SBF2: variants seen among roughly 807,000 people sequenced by gnomAD.
SBF2 encodes myotubularin-related protein 13.
SBF2 carries 112 observed loss-of-function variants against 225.2 expected under a neutral mutation model. That is an observed-to-expected ratio of 0.50 (90% CI 0.43 to 0.58). SBF2 has a LOEUF of 0.58. Ranked by LOEUF, SBF2 falls within the 20% of genes least tolerant of loss-of-function variation. SBF2 has a pLI of 0.00. For synonymous variants in SBF2, 763 were observed against 773.3 expected (o/e 0.99, Z 0.22); for missense variants, 1,996 against 2,206.2 (o/e 0.90, Z 1.91).
At chr11:9,932,121 C>T (rs895783199) in intron 16 of SBF2, among the ~76,000 whole-genome samples, 3 of 152,170 alleles carry the variant, frequency 2.0e-5, no homozygotes, top group South Asian at 4.2e-4. Context: ...CCAAGAAATA[C>T]GGGACTAGGT....
intron 16 of SBF2, among the ~76,000 whole-genome samples, chr11:9,916,086 C>A (rs946819633): frequency 6.6e-6 from 1 of 151,972 alleles, no homozygotes; most frequent in Non-Finnish European, 1.5e-5. Context: ...AACAAAAAAA[C>A]CAAATAGTAA....
intron 1 of SBF2, among the ~76,000 whole-genome samples, chr11:10,278,149 T>C (rs994130819): frequency 2.6e-5 from 4 of 152,244 alleles, no homozygotes; most frequent in African/African-American, 9.6e-5. Context: ...TGAAATTCAT[T>C]TAAACTTAAG....
chr11:10,216,094 T>C (rs1958120538), intron 1 of SBF2, among the ~76,000 whole-genome samples: 1 of 152,218 alleles, frequency 6.6e-6, no homozygotes, highest in Non-Finnish European at 1.5e-5. Flanking sequence ...TCCTGACACC[T>C]TGTTCCCCTA....
intron 13 of SBF2, 127 bp downstream of exon 13, chr11:9,989,370 A>G: frequency 3.2e-6 from 2 of 628,938 alleles, no homozygotes; most frequent in Non-Finnish European, 5.5e-6. Flanking sequence ...TGAGTGCACC[A>G]AAATCTCACA....
rs186135492 is a variant in SBF2, at chr11:10,288,252, G to A, written c.55+5763C>T. ...GCTCTTTTACCCTCACCATTCAAGG[G>A]TCCCAAGTTCTTGTTCTGTGACCAG... On this transcript the variant is annotated intron_variant, in intron 1 of 39. Transcript: ENST00000256190. 3.1e-4 allele frequency among the ~76,000 whole-genome samples: 47 copies of A among 152,254 alleles called. 1 individual carries two copies. The East Asian group carries it at 9.1e-3, about 29-fold the overall frequency.
At chr11:9,972,030 A>T (rs371694021) in intron 13 of SBF2, among the ~76,000 whole-genome samples, 1 of 152,196 alleles carries the variant, frequency 6.6e-6, no homozygotes, top group African/African-American at 2.4e-5. Context: ...CAATTCAATG[A>T]GAGGTAGTAT....
chr11:9,954,327 T>C (rs1304220325), intron 16 of SBF2, among the ~76,000 whole-genome samples: 2 of 152,332 alleles, frequency 1.3e-5, no homozygotes, highest in East Asian at 1.9e-4. Context: ...ACACAGATGT[T>C]TGGCCACTCT....
rs1852576176 is a variant in SBF2 at position 9,789,173 on chromosome 11, G to C, written c.4868C>G (p.Thr1623Arg). 6.2e-7 allele frequency: 1 copy of C among 1,614,144 alleles called. No individual in the cohort carries two copies. The highest frequency in any genetic ancestry group is 8.5e-7 in the Non-Finnish European group (1 of 1,180,026). ...GACATCATCATAGCATGGCCACACTGTTCTCCTCTGGCTCCGTGGCCCAGC... is the reference window on the plus strand; with the variant it reads ...GACATCATCATAGCATGGCCACACTCTTCTCCTCTGGCTCCGTGGCCCAGC... ...GEAGPRSQRR[T>R]VWPCYDDVSC... Residue 1623 changes from threonine (T) to arginine (R), a missense_variant, in exon 35 of 40, where the codon ACA (threonine) becomes AGA (arginine). By Grantham distance (71) the Thr-to-Arg change is moderately conservative (BLOSUM62 -1). Coordinates refer to ENST00000256190, the MANE Select transcript of SBF2 (RefSeq NM_030962.4).
At chr11:10,272,760 G>A (rs1962606437) in intron 1 of SBF2, among the ~76,000 whole-genome samples, 1 of 133,792 alleles carries the variant, frequency 7.5e-6, no homozygotes, top group African/African-American at 2.6e-5. Context: ...GCCAGACCTT[G>A]TCTTAAAATA....
intron 17 of SBF2, among the ~76,000 whole-genome samples, chr11:9,873,646 G>A (rs1230337566): frequency 1.3e-5 from 2 of 152,200 alleles, no homozygotes; most frequent in Admixed American, 6.5e-5. Context: ...GAGCAGTGAG[G>A]AGGCATATAC....
At position 9,839,500 on chromosome 11, in the gene SBF2, C is replaced by A; in HGVS notation, c.3453G>T (p.Arg1151=). 6.2e-7 allele frequency: 1 copy of A among 1,614,134 alleles called. No individual in the cohort carries two copies. Among genetic ancestry groups the A allele is most frequent in the Non-Finnish European group, 8.5e-7 (1 of 1,179,956 alleles). ...TTGGAGCCCACTGACACACTTACCT[C>A]CGGCAGAGTGAATACATCCTGTTGG... ...TASNRMYSLC[R]SYPGLLVVPQ... The change falls in exon 26 of 40, where the codon CGG becomes CGT. Residue 1151 remains arginine, a splice_region_variant and synonymous_variant. Coordinates refer to ENST00000256190, the MANE Select transcript of SBF2 (RefSeq NM_030962.4).
intron 9 of SBF2, 130 bp downstream of exon 9, chr11:9,998,136 T>C (rs1947789969): frequency 1.6e-6 from 1 of 643,354 alleles, no homozygotes; most frequent in South Asian, 1.9e-5. Flanking sequence ...TGAGATTATG[T>C]TCATGTTTCA....
intron 2 of SBF2, among the ~76,000 whole-genome samples, chr11:10,067,542 A>G (rs1950672162): frequency 6.6e-6 from 1 of 152,120 alleles, no homozygotes; most frequent in African/African-American, 2.4e-5. Flanking sequence ...TTAACCAAAA[A>G]AACAAAAACA....
At chr11:10,024,465 T>C (rs1948974939) in intron 6 of SBF2, among the ~76,000 whole-genome samples, 1 of 152,166 alleles carries the variant, frequency 6.6e-6, no homozygotes, top group Non-Finnish European at 1.5e-5. Flanking sequence ...CAACACAAAA[T>C]GCTCCTCCCA....
intron 1 of SBF2, among the ~76,000 whole-genome samples, chr11:10,221,293 T>C (rs1351009132): frequency 6.6e-6 from 1 of 151,892 alleles, no homozygotes; most frequent in Admixed American, 6.6e-5. Context: ...AATTTTTGTA[T>C]TTTTAGTAGA....
chr11:9,808,333 A>G (rs1298131277), intron 31 of SBF2, 148 bp from the exon 32 acceptor site: 10 of 695,380 alleles, frequency 1.4e-5, no homozygotes, highest in Non-Finnish European at 2.5e-5. Flanking sequence ...GATGGCCAAT[A>G]AAATTAATTT....
intron 2 of SBF2, among the ~76,000 whole-genome samples, chr11:10,157,699 G>T (rs1955540151): frequency 6.6e-6 from 1 of 152,172 alleles, no homozygotes; most frequent in Non-Finnish European, 1.5e-5. Context: ...AATAATAATA[G>T]AAATAAAGTA....
chr11:9,959,019 C>T (rs1359757943), intron 16 of SBF2: 4 of 1,194,510 alleles, frequency 3.3e-6, no homozygotes, highest in Non-Finnish European at 4.8e-6. Flanking sequence ...TCAGACCATT[C>T]TCCCGCATGG....
chr11:10,243,525 TAA>T (rs1959446850), intron 1 of SBF2, among the ~76,000 whole-genome samples: 2 of 150,338 alleles, frequency 1.3e-5, no homozygotes, highest in South Asian at 4.2e-4. Context: ...AATGACAAAA[TAA>T]AGAGTTTTTT....
Sources: gnomAD v4.1 joint callset for allele counts (sites outside exome capture counted in the v4.1 genomes callset) on GRCh38, gnomAD v4.1.1 for gene constraint, MANE v1.5 for transcripts, NCBI Gene and HGNC (gene_info 2026-07-23, HGNC 2026-07-21) for gene names.